ARAP2: variants seen among roughly 807,000 people sequenced by gnomAD.
ARAP2 encodes the protein arf-GAP with Rho-GAP domain, ANK repeat and PH domain-containing protein 2.
Under a neutral mutation model 194.5 loss-of-function variants are expected in ARAP2, and 148 were observed. The observed-to-expected ratio is 0.76, with a 90% CI of 0.67 to 0.87. The LOEUF (loss-of-function observed/expected upper bound fraction) is 0.87. Among genes scored for constraint, ARAP2 ranks in the 40% least tolerant of loss-of-function variants. The probability of loss-of-function intolerance (pLI) is 0.00; values close to 1 mark genes in which losing one functional copy is unlikely to be tolerated. For synonymous variants in ARAP2, 695 were observed against 683.5 expected (o/e 1.02, Z -0.26); for missense variants, 2,128 against 1,989.7 (o/e 1.07, Z -1.32).
At chr4:36,051,099 G>A (rs932156219) in intron 3 of ARAP2, among the ~76,000 whole-genome samples, 2 of 151,908 alleles carry the variant, frequency 1.3e-5, no homozygotes, top group Non-Finnish European at 2.9e-5. Context: ...ATTCCTTTAG[G>A]GTTAATTTCA....
intron 31 of ARAP2, among the ~76,000 whole-genome samples, chr4:36,079,084 G>C (rs1425386168): frequency 7.1e-6 from 1 of 141,136 alleles, no homozygotes; most frequent in Non-Finnish European, 1.5e-5. Flanking sequence ...TGAGACAGGA[G>C]AATCACTTGA....
intron 28 of ARAP2, among the ~76,000 whole-genome samples, chr4:36,090,157 A>G (rs1275651377): frequency 1.3e-5 from 2 of 152,116 alleles, no homozygotes; most frequent in Non-Finnish European, 2.9e-5. Context: ...GAAAAACTAG[A>G]AGAAATGGGT....
At chr4:36,113,958 T>A (rs1720676724) in intron 26 of ARAP2, among the ~76,000 whole-genome samples, 1 of 151,988 alleles carries the variant, frequency 6.6e-6, no homozygotes, top group Admixed American at 6.6e-5. Context: ...ACCTAAAGTC[T>A]TGCACTGTAT....
intron 5 of ARAP2, among the ~76,000 whole-genome samples, chr4:36,024,701 A>T (rs1255520145): frequency 6.6e-6 from 1 of 152,150 alleles, no homozygotes; most frequent in East Asian, 1.9e-4. Flanking sequence ...CTAATTTGTC[A>T]ATATGGGAGG....
At chr4:36,014,309 G>GGAAAGAAAGAGA (rs1336656297) in intron 8 of ARAP2, among the ~76,000 whole-genome samples, 7 of 85,244 alleles carry the variant, frequency 8.2e-5, no homozygotes, top group East Asian at 7.2e-4. Flanking sequence ...AGAGAAGGAA[G>GGAAAGAAAGAGA]GAAAGAAAGA....
At chr4:36,212,296 C>A in intron 5 of ARAP2, 100 bp downstream of exon 5, 1 of 1,008,508 alleles carries the variant, frequency 9.9e-7, no homozygotes, top group Non-Finnish European at 1.4e-6. Flanking sequence ...TCACCATAAA[C>A]TATTTTCTCT....
chr4:36,175,108 C>A lies in ARAP2; in HGVS notation c.1857+2719G>T, dbSNP rs529437832. 1.2e-4 allele frequency among the ~76,000 whole-genome samples: 18 copies of A among 152,250 alleles called. No homozygotes were observed. In the East Asian group the frequency reaches 3.1e-3, roughly 26 times the overall value. On this transcript the variant is annotated intron_variant, in intron 9 of 32. Coordinates refer to ENST00000303965, the MANE Select transcript of ARAP2 (RefSeq NM_015230.4). The stretch of plus-strand genomic sequence containing the variant: ...ATCCCATTTTAAAATAAAAGTAAGC[C>A]TTGTTGCATGTCACTAAATCCAACA...
chr4:36,071,586 A>G (rs1416831170), intron 32 of ARAP2, among the ~76,000 whole-genome samples: 1 of 152,178 alleles, frequency 6.6e-6, no homozygotes, highest in Non-Finnish European at 1.5e-5. Flanking sequence ...AAAATTTATC[A>G]ATCTGCCAAC....
intron 7 of ARAP2, among the ~76,000 whole-genome samples, chr4:36,189,673 G>A (rs1741420006): frequency 6.6e-6 from 1 of 151,990 alleles, no homozygotes; most frequent in Non-Finnish European, 1.5e-5. Context: ...TTAACTTTCT[G>A]TTCCTGCCGT....
intron 13 of ARAP2, 177 bp from the exon 14 acceptor site, chr4:36,159,682 G>C: frequency 2.0e-6 from 1 of 491,416 alleles, no homozygotes; most frequent in Non-Finnish European, 3.2e-6. Flanking sequence ...CCTGGTTTAT[G>C]TGAATTTAAA....
intron 5 of ARAP2, among the ~76,000 whole-genome samples, chr4:36,041,158 G>A (rs1342689018): frequency 1.3e-5 from 2 of 151,800 alleles, no homozygotes; most frequent in East Asian, 1.9e-4. Flanking sequence ...TTGCAACAAG[G>A]GCAAAAATTG....
chr4:36,137,840 T>C (rs1220404555), intron 19 of ARAP2, among the ~76,000 whole-genome samples: 1 of 151,728 alleles, frequency 6.6e-6, no homozygotes, highest in Non-Finnish European at 1.5e-5. Flanking sequence ...AGAAGTGAAA[T>C]GCTGATGTGT....
At chr4:36,044,665 C>T (rs1253798656) in intron 5 of ARAP2, among the ~76,000 whole-genome samples, 5 of 151,944 alleles carry the variant, frequency 3.3e-5, no homozygotes, top group African/African-American at 9.7e-5. Flanking sequence ...CCCAAAAGCA[C>T]AGGCAACAAA....
chr4:36,054,952 G>C (rs1406723544), intron 2 of ARAP2, among the ~76,000 whole-genome samples: 1 of 152,138 alleles, frequency 6.6e-6, no homozygotes, highest in Non-Finnish European at 1.5e-5. Flanking sequence ...TATTTCTTTT[G>C]CAGTAGTAAT....
chr4:36,079,782 T>A (rs898820928), intron 31 of ARAP2, among the ~76,000 whole-genome samples: 1 of 152,108 alleles, frequency 6.6e-6, no homozygotes, highest in Non-Finnish European at 1.5e-5. Flanking sequence ...TAGCACACAA[T>A]AGTTATTAAA....
chr4:36,160,132 C>A, intron 13 of ARAP2: 1 of 1,003,040 alleles, frequency 1.0e-6, no homozygotes, highest in Non-Finnish European at 1.2e-6. Flanking sequence ...AATAAGCTGC[C>A]TCTACATCTC....
chr4:36,056,672 T>A (rs1051807931), intron 2 of ARAP2, among the ~76,000 whole-genome samples: 1 of 152,172 alleles, frequency 6.6e-6, no homozygotes, highest in Non-Finnish European at 1.5e-5. Flanking sequence ...ACCTTACTAC[T>A]ATTGTTTTCA....
intron 6 of ARAP2, among the ~76,000 whole-genome samples, chr4:36,195,118 G>A (rs1006205626): frequency 3.9e-5 from 6 of 152,012 alleles, no homozygotes; most frequent in Non-Finnish European, 5.9e-5. Flanking sequence ...AGTGAGTTAC[G>A]ACTGCACCAC....
chr4:36,073,564 A>G, intron 32 of ARAP2, 125 bp downstream of exon 32: 1 of 1,122,440 alleles, frequency 8.9e-7, no homozygotes, highest in Admixed American at 2.5e-5. Context: ...GATTATTACC[A>G]TGCTTTACAA....
Sources: allele counts gnomAD v4.1 joint callset (sites outside exome capture counted in the v4.1 genomes callset), GRCh38; gene constraint gnomAD v4.1.1; transcripts MANE v1.5; gene names NCBI Gene and HGNC (gene_info 2026-07-23, HGNC 2026-07-21).